The following SC5D variants were observed in gnomAD, a reference collection of about 807,000 sequenced individuals.
SC5D encodes sterol-C5-desaturase, also known as lathosterol oxidase.
Under a neutral mutation model 23.9 loss-of-function variants are expected in SC5D, and 21 were observed. The observed-to-expected ratio is 0.88, with a 90% CI of 0.62 to 1.26. SC5D has a LOEUF of 1.26. SC5D is among the 50% of genes most tolerant of loss of function. SC5D has a pLI of 0.00. For synonymous variants in SC5D, 113 were observed against 125.9 expected, an observed-to-expected ratio of 0.90 and a Z score of 0.68; for missense variants, 309 against 364.8, an observed-to-expected ratio of 0.85 and a Z score of 1.25.
intron 1 of SC5D, among the ~76,000 whole-genome samples, chr11:121,294,664 C>A (rs893980951): frequency 1.3e-5 from 2 of 152,082 alleles, no homozygotes; most frequent in African/African-American, 4.8e-5. Flanking sequence ...TTTTTGACGG[C>A]CTTAACAGTG....
chr11:121,296,625 A>T (rs552808362), intron 1 of SC5D, among the ~76,000 whole-genome samples: 37 of 152,272 alleles, frequency 2.4e-4, no homozygotes, highest in African/African-American at 8.7e-4. Flanking sequence ...CACGTGTCCT[A>T]TTGCTAGAAT....
In SC5D at chr11:121,297,291, AAATGGAACCTATCC is replaced by A. The variant is rs540379907; in HGVS notation, c.-11+4478_-11+4491del. 3.3e-3 allele frequency among the ~76,000 whole-genome samples: 507 copies of A among 152,350 alleles called. 3 individuals carry two copies. The highest frequency in any genetic ancestry group is 4.9e-3 in the Admixed American group (75 of 15,308). Reference sequence around the variant, plus strand: ...TTGTAGCATTATTTGTAATAGCAAAAAATGGAACCTATCCAAATATCTAGATATGTGTTAAGTAA... The same window carrying A: ...TTGTAGCATTATTTGTAATAGCAAAAAAATATCTAGATATGTGTTAAGTAA... On this transcript the variant is annotated intron_variant, in intron 1 of 4. Transcript: ENST00000264027.
chr11:121,295,516 G>C (rs1947882817), intron 1 of SC5D, among the ~76,000 whole-genome samples: 1 of 152,158 alleles, frequency 6.6e-6, no homozygotes, highest in Non-Finnish European at 1.5e-5. Context: ...GAGCCTCAGA[G>C]GGATGACTTT....
At position 121,299,705 on chromosome 11, in the gene SC5D, T is replaced by C. The variant is rs528024585; in HGVS notation, c.-10-3661T>C. On this transcript the variant is annotated intron_variant, in intron 1 of 4. Coordinates refer to ENST00000264027, the MANE Select transcript of SC5D (RefSeq NM_006918.5). Reference sequence around the variant, plus strand: ...AGGAGTTTGAGACCAGCCTGGGCAATATAATGAGCCCTTGTCCATACAAAA... The same window carrying C: ...AGGAGTTTGAGACCAGCCTGGGCAACATAATGAGCCCTTGTCCATACAAAA... 1.6e-3 allele frequency among the ~76,000 whole-genome samples: 243 copies of C among 152,192 alleles called. 1 individual carries two copies. The highest frequency in any genetic ancestry group is 5.6e-3 in the African/African-American group (232 of 41,526).
intron 1 of SC5D, among the ~76,000 whole-genome samples, chr11:121,301,820 G>A (rs1947928248): frequency 6.6e-6 from 1 of 151,712 alleles, no homozygotes; most frequent in African/African-American, 2.4e-5. Context: ...ATGTAGGGAT[G>A]GAAAGATCTC....
At position 121,311,280 on chromosome 11, in the gene SC5D, A is replaced by G. The variant is rs1384331825; in HGVS notation, c.*3768A>G. ...TAGGTGCTAAGCACTGCACTAGGTA[A>G]AAATTCTCTTCTGATGCTGTCTTTT... On this transcript the variant is annotated 3_prime_UTR_variant, in exon 5 of 5. Transcript: ENST00000264027. Among the ~76,000 whole-genome samples the G allele has an allele frequency of 6.6e-6, 1 of 152,228 alleles. No individual in the cohort carries two copies. The highest frequency in any genetic ancestry group is 1.5e-5 in the Non-Finnish European group (1 of 68,040).
chr11:121,303,407 A>G lies in SC5D; in HGVS notation c.32A>G (p.Tyr11Cys), dbSNP rs1312339895. The G allele has an allele frequency of 6.2e-6, 10 of 1,613,836 alleles. No individual in the cohort carries two copies. The highest frequency in any genetic ancestry group is 1.7e-5 in the Admixed American group (1 of 59,994). The change falls in exon 2 of 5, where the codon TAT becomes TGT. Residue 11 changes from tyrosine (Y) to cysteine (C), a missense_variant. Coordinates refer to ENST00000264027, the MANE Select transcript of SC5D (RefSeq NM_006918.5). Reference protein sequence around the residue: MDLVLRVADYYFFTPYVYPAT... With the variant: MDLVLRVADYCFFTPYVYPAT... ...CTTGTACTCCGTGTTGCAGATTACT[A>G]TTTTTTTACACCATACGTGTATCCA...
chr11:121,293,739 T>A (rs1947869223), intron 1 of SC5D, among the ~76,000 whole-genome samples: 1 of 152,254 alleles, frequency 6.6e-6, no homozygotes, highest in Admixed American at 6.5e-5. Flanking sequence ...TAGTAAATAA[T>A]AACTGATCCT....
intron 1 of SC5D, among the ~76,000 whole-genome samples, chr11:121,299,352 T>G (rs1216581510): frequency 6.6e-6 from 1 of 152,248 alleles, no homozygotes; most frequent in East Asian, 1.9e-4. Context: ...GAACATTTAT[T>G]GCGTGTATGT....
intron 2 of SC5D, 158 bp downstream of exon 2, chr11:121,303,743 C>T (rs1173476022): frequency 2.6e-5 from 16 of 613,778 alleles, no homozygotes; most frequent in Non-Finnish European, 3.7e-5. Flanking sequence ...GGGTTAATCC[C>T]TGCTCTCCTT....
intron 1 of SC5D, among the ~76,000 whole-genome samples, chr11:121,294,526 G>A (rs1164409067): frequency 6.6e-6 from 1 of 151,854 alleles, no homozygotes; most frequent in Non-Finnish European, 1.5e-5. Context: ...GGGAAAATTA[G>A]TTAATATATT....
intron 1 of SC5D, among the ~76,000 whole-genome samples, chr11:121,299,906 T>G (rs1035241065): frequency 3.9e-5 from 6 of 152,094 alleles, no homozygotes; most frequent in Admixed American, 6.5e-5. Context: ...AATGAATAAA[T>G]AAATAATAAA....
rs555945605 is a variant in SC5D at position 121,299,403 on chromosome 11, A to G, written c.-10-3963A>G. On this transcript the variant is annotated intron_variant, in intron 1 of 4. Transcript: ENST00000264027. ...CAAGTATTTAACTTTGATTTTATATATATTTGAAAGTTTACTGAATTTTTC... is the reference window on the plus strand; with the variant it reads ...CAAGTATTTAACTTTGATTTTATATGTATTTGAAAGTTTACTGAATTTTTC... Among the ~76,000 whole-genome samples, 4 of 152,294 alleles carry G rather than the reference A, an allele frequency of 2.6e-5. No individual in the cohort carries two copies. In the South Asian group the frequency reaches 8.3e-4, roughly 32 times the overall value.
chr11:121,306,698 C>T, intron 4 of SC5D: 3 of 670,276 alleles, frequency 4.5e-6, no homozygotes, highest in Non-Finnish European at 8.2e-6. Context: ...GTAACAGGTA[C>T]ACATGGACTT....
Position 121,309,446 on chromosome 11 carries a change from G to T in SC5D, c.*1934G>T, listed in dbSNP as rs1339454389. ...GAGGAAGGGGGCACCATTTTCTTGA[G>T]CAGCTAGACAGTTTGCCGTATTTGT... On this transcript the variant is annotated 3_prime_UTR_variant, in exon 5 of 5. Transcript: ENST00000264027. Among the ~76,000 whole-genome samples, 1 of 152,136 alleles carries T rather than the reference G, an allele frequency of 6.6e-6. No homozygotes were observed.
chr11:121,304,261 A>T, intron 2 of SC5D, 100 bp from the exon 3 acceptor site: 1 of 1,060,646 alleles, frequency 9.4e-7, no homozygotes, highest in Non-Finnish European at 1.4e-6. Context: ...AAGCCCCTTC[A>T]TGTAAAAGAG....
At chr11:121,296,379 A>T (rs1462448945) in intron 1 of SC5D, among the ~76,000 whole-genome samples, 3 of 151,872 alleles carry the variant, frequency 2.0e-5, no homozygotes, top group Non-Finnish European at 4.4e-5. Context: ...CCACCCCATC[A>T]CCCTGTCTAA....
chr11:121,297,604 C>G (rs1947898388), intron 1 of SC5D, among the ~76,000 whole-genome samples: 1 of 152,162 alleles, frequency 6.6e-6, no homozygotes, highest in African/African-American at 2.4e-5. Flanking sequence ...AGTGTGGGAA[C>G]TACCACCACA....
chr11:121,305,708 C>G (rs1947959048), intron 3 of SC5D: 1 of 145,838 alleles, frequency 6.9e-6, no homozygotes, highest in East Asian at 2.0e-4. Flanking sequence ...GAGACTCCGT[C>G]TCAAAAAAAA....
Sources: allele counts gnomAD v4.1 joint callset (sites outside exome capture counted in the v4.1 genomes callset), GRCh38; gene constraint gnomAD v4.1.1; transcripts MANE v1.5; gene names NCBI Gene and HGNC (gene_info 2026-07-23, HGNC 2026-07-21).